Variants in ZNF724 observed in about 807,000 individuals in gnomAD.
The protein encoded by ZNF724 is zinc finger protein 724 pseudogene.
ZNF724 carries 14 observed loss-of-function variants against 29.3 expected under a neutral mutation model. The observed-to-expected ratio is 0.48, with a 90% CI of 0.32 to 0.75. ZNF724 has a LOEUF of 0.75. Ranked by LOEUF, ZNF724 falls within the 30% of genes least tolerant of loss-of-function variation. ZNF724 has a pLI of 0.04. For missense variants in ZNF724, 557 were observed against 571.2 expected, an observed-to-expected ratio of 0.98 and a Z score of 0.25; for synonymous variants, 180 against 193.6, an observed-to-expected ratio of 0.93 and a Z score of 0.58.
In ZNF724 at chr19:23,223,543, GGCTAT is replaced by G; in HGVS notation, c.697_701del (p.Ile233LeufsTer2). 2.7e-6 allele frequency: 2 copies of G among 735,492 alleles called. No individual in the cohort carries two copies. Among genetic ancestry groups the G allele is most frequent in the Non-Finnish European group, 5.1e-6 (2 of 396,020 alleles). The allele number at this position is 735,492 out of a possible 1,614,324, so 45.6% of individuals were successfully genotyped here. A position where few individuals can be genotyped will look rare whatever the true frequency, so the allele number is the denominator to read the frequency against. ...TGTTAAGGTGTGAGGACTTGTTAAA[GGCTAT>G]GCCACATTCTTCACATTTGTAGTGT... On this transcript the variant is annotated frameshift_variant, in exon 4 of 4. Transcript: ENST00000418100. LOFTEE classifies it low-confidence loss of function (END_TRUNC).
At chr19:23,228,487 T>C (rs1180404699) in intron 3 of ZNF724, among the ~76,000 whole-genome samples, 2 of 148,450 alleles carry the variant, frequency 1.3e-5, no homozygotes, top group Non-Finnish European at 3.0e-5. Flanking sequence ...CGCAGTGGCT[T>C]ATGCCTGTAA....
At chr19:23,241,761 C>T (rs898871108) in intron 1 of ZNF724, among the ~76,000 whole-genome samples, 3 of 152,134 alleles carry the variant, frequency 2.0e-5, no homozygotes, top group African/African-American at 4.8e-5. Flanking sequence ...TTATCTATGA[C>T]AAATCCAAAG....
intron 1 of ZNF724, 142 bp downstream of exon 1, chr19:23,250,098 C>T (rs1972325037): frequency 1.9e-5 from 10 of 513,934 alleles, no homozygotes; most frequent in Non-Finnish European, 4.0e-5. Flanking sequence ...CTGAAGGGGA[C>T]TGAGGCCCAG....
chr19:23,246,385 A>G (rs185901905), intron 1 of ZNF724, among the ~76,000 whole-genome samples: 131 of 152,284 alleles, frequency 8.6e-4, no homozygotes, highest in Non-Finnish European at 1.5e-3. Context: ...GGCCGGGCGC[A>G]GTGGATCACA....
chr19:23,229,086 T>C (rs988026195), intron 3 of ZNF724, among the ~76,000 whole-genome samples: 3 of 149,590 alleles, frequency 2.0e-5, no homozygotes, highest in African/African-American at 7.4e-5. Flanking sequence ...AAAGAGAGAT[T>C]GAGAGAGAGA....
chr19:23,239,107 G>A (rs1404420887), intron 1 of ZNF724, among the ~76,000 whole-genome samples: 3 of 152,146 alleles, frequency 2.0e-5, no homozygotes, highest in Non-Finnish European at 4.4e-5. Flanking sequence ...AAGAGAGTTG[G>A]ATTCTGACAC....
At chr19:23,241,354 A>G (rs1488475696) in intron 1 of ZNF724, among the ~76,000 whole-genome samples, 5 of 152,196 alleles carry the variant, frequency 3.3e-5, no homozygotes, top group Non-Finnish European at 7.3e-5. Flanking sequence ...TTTTAAAACT[A>G]TTACAAAAAA....
chr19:23,226,038 TAG>T (rs139336575), intron 3 of ZNF724, among the ~76,000 whole-genome samples: 17,190 of 143,264 alleles, frequency 0.12, 1,182 homozygotes, highest in South Asian at 0.18. Flanking sequence ...AAAAATTTTC[TAG>T]AGAGAGGGTC....
intron 3 of ZNF724, among the ~76,000 whole-genome samples, chr19:23,224,744 C>T (rs1971794680): frequency 6.6e-6 from 1 of 152,120 alleles, no homozygotes; most frequent in African/African-American, 2.4e-5. Flanking sequence ...CACCTGAGGT[C>T]AGGAGTTTGG....
chr19:23,245,508 G>T (rs1972219702), intron 1 of ZNF724, among the ~76,000 whole-genome samples: 4 of 152,128 alleles, frequency 2.6e-5, no homozygotes, highest in African/African-American at 9.7e-5. Context: ...AGCTACTCAG[G>T]AGGCTGAGGC....
At chr19:23,234,930 TAC>T (rs1250504787) in intron 1 of ZNF724, among the ~76,000 whole-genome samples, 8 of 152,038 alleles carry the variant, frequency 5.3e-5, no homozygotes, top group African/African-American at 1.9e-4. Context: ...GCAGGCACAG[TAC>T]AGAGTCCCTT....
Position 23,224,024 on chromosome 19 carries a change from A to G in ZNF724, c.227-6T>C, listed in dbSNP as rs1971776703. The G allele has an allele frequency of 3.1e-6, 2 of 635,474 alleles. No individual in the cohort carries two copies. Among genetic ancestry groups the G allele is most frequent in the East Asian group, 5.4e-5 (2 of 37,148 alleles). The allele number at this position is 635,474 out of a possible 1,614,324, so 39.4% of individuals were successfully genotyped here. On this transcript the variant is annotated splice_region_variant and splice_polypyrimidine_tract_variant and intron_variant, in intron 3 of 3. Transcript: ENST00000418100. ...GGCAAAATAACAACACATACCTGAA[A>G]GAAATAAAAATAACAACTTACTCCA...
intron 3 of ZNF724, among the ~76,000 whole-genome samples, chr19:23,230,592 CTT>C (rs1971919056): frequency 6.6e-6 from 1 of 151,948 alleles, no homozygotes; most frequent in African/African-American, 2.4e-5. Context: ...AGAAAGAAAA[CTT>C]AATAGTTTAA....
intron 1 of ZNF724, among the ~76,000 whole-genome samples, chr19:23,233,067 G>A (rs950959677): frequency 2.0e-5 from 3 of 152,100 alleles, no homozygotes; most frequent in Non-Finnish European, 4.4e-5. Flanking sequence ...AATTTTTACG[G>A]TGTGCTAAAA....
rs987303588 is a variant in ZNF724, at chr19:23,222,349, T to C, written c.*36A>G. Reference sequence around the variant, plus strand: ...GCCTTGGCCTCCCAAAGTGCTGGGATTACAGGTGTGAGCCACCACGCCTGG... The same window carrying C: ...GCCTTGGCCTCCCAAAGTGCTGGGACTACAGGTGTGAGCCACCACGCCTGG... On this transcript the variant is annotated 3_prime_UTR_variant, in exon 4 of 4. Transcript: ENST00000418100. The C allele has an allele frequency of 4.7e-6, 4 of 845,836 alleles. No homozygotes were observed. The African/African-American group carries it at 6.7e-5, about 14-fold the overall frequency. 52.4% of individuals were successfully genotyped at this position (845,836 alleles called of 1,614,324 possible). A position where few individuals can be genotyped will look rare whatever the true frequency, so the allele number is the denominator to read the frequency against.
intron 3 of ZNF724, among the ~76,000 whole-genome samples, chr19:23,229,502 T>C (rs1169935071): frequency 1.3e-5 from 2 of 152,214 alleles, no homozygotes; most frequent in African/African-American, 4.8e-5. Flanking sequence ...GCCATACTCA[T>C]TCACATCCTG....
At chr19:23,243,039 C>CAA (rs762188669) in intron 1 of ZNF724, among the ~76,000 whole-genome samples, 7 of 112,218 alleles carry the variant, frequency 6.2e-5, no homozygotes, top group Admixed American at 1.1e-4. Flanking sequence ...AACTCCATCT[C>CAA]AAAAAAAAAA....
chr19:23,242,121 C>A (rs1972134402), intron 1 of ZNF724, among the ~76,000 whole-genome samples: 1 of 152,142 alleles, frequency 6.6e-6, no homozygotes, highest in Non-Finnish European at 1.5e-5. Flanking sequence ...CAATCACATT[C>A]AAAAATGCCA....
At chr19:23,244,145 G>C (rs1405575492) in intron 1 of ZNF724, among the ~76,000 whole-genome samples, 3 of 152,090 alleles carry the variant, frequency 2.0e-5, no homozygotes, top group Non-Finnish European at 4.4e-5. Context: ...AGATTGGTTT[G>C]TGCTATTTAT....
Sources: allele counts gnomAD v4.1 joint callset (sites outside exome capture counted in the v4.1 genomes callset), GRCh38; gene constraint gnomAD v4.1.1; transcripts MANE v1.5; gene names NCBI Gene and HGNC (gene_info 2026-07-23, HGNC 2026-07-21).